The following IGF1R variants were observed in gnomAD, a reference collection of about 807,000 sequenced individuals.
The protein encoded by IGF1R is insulin-like growth factor 1 receptor.
Under a neutral mutation model 144.6 loss-of-function variants are expected in IGF1R, and 44 were observed. That is an observed-to-expected ratio of 0.30 (90% CI 0.24 to 0.39). The LOEUF (loss-of-function observed/expected upper bound fraction) is 0.39, where lower values mean the gene tolerates loss of function less well. Among genes scored for constraint, IGF1R ranks in the 10% least tolerant of loss-of-function variants. IGF1R has a pLI of 1.00. For missense variants in IGF1R, 1,355 were observed against 1,833.7 expected (o/e 0.74, Z 4.77); for synonymous variants, 795 against 722.8 (o/e 1.10, Z -1.60).
At chr15:98,760,900 T>C (rs972238976) in intron 2 of IGF1R, among the ~76,000 whole-genome samples, 2 of 152,296 alleles carry the variant, frequency 1.3e-5, no homozygotes, top group South Asian at 2.1e-4. Context: ...TCAGCTCTTC[T>C]TGGCCGTGTT....
chr15:98,863,460 C>A (rs1040209390), intron 2 of IGF1R, among the ~76,000 whole-genome samples: 3 of 152,146 alleles, frequency 2.0e-5, no homozygotes, highest in African/African-American at 7.2e-5. Context: ...TTTTAACATC[C>A]ATTACTGTGA....
At chr15:98,654,249 C>T (rs548787646) in intron 1 of IGF1R, among the ~76,000 whole-genome samples, 1 of 152,244 alleles carries the variant, frequency 6.6e-6, no homozygotes, top group East Asian at 1.9e-4. Context: ...GATGTTAACC[C>T]ATCTTGACTG....
Position 98,964,422 on chromosome 15 carries a change from ACTGT to A in IGF1R, c.*6983_*6986del, listed in dbSNP as rs1277709323. On this transcript the variant is annotated 3_prime_UTR_variant, in exon 21 of 21. Transcript: ENST00000650285. ...ATTCTTTACATAATGGAAAAAAGAA[ACTGT>A]CTATTTTGAATGGCTGAAGCTAAGG... 7.4e-5 allele frequency: 17 copies of A among 228,944 alleles called. No individual in the cohort carries two copies. Among genetic ancestry groups the A allele is most frequent in the South Asian group, 3.6e-4 (2 of 5,500 alleles). 14.2% of individuals were successfully genotyped at this position (228,944 alleles called of 1,614,324 possible). A position where few individuals can be genotyped will look rare whatever the true frequency, so the allele number is the denominator to read the frequency against.
chr15:98,794,268 A>T (rs929229142), intron 2 of IGF1R, among the ~76,000 whole-genome samples: 6 of 152,180 alleles, frequency 3.9e-5, no homozygotes, highest in African/African-American at 1.4e-4. Context: ...CCTCAAAGGT[A>T]CTTTTCAGGT....
intron 2 of IGF1R, among the ~76,000 whole-genome samples, chr15:98,747,957 G>A (rs901957217): frequency 2.0e-5 from 3 of 152,084 alleles, no homozygotes; most frequent in African/African-American, 7.2e-5. Context: ...AGAGGGGTGT[G>A]GATTCGTTAG....
intron 2 of IGF1R, among the ~76,000 whole-genome samples, chr15:98,818,152 C>T (rs557101294): frequency 6.6e-6 from 1 of 152,184 alleles, no homozygotes; most frequent in Non-Finnish European, 1.5e-5. Flanking sequence ...CTTAACAGCC[C>T]TACCTTCAAC....
intron 2 of IGF1R, among the ~76,000 whole-genome samples, chr15:98,760,129 C>A (rs1240071594): frequency 6.6e-6 from 1 of 151,440 alleles, no homozygotes; most frequent in Non-Finnish European, 1.5e-5. Flanking sequence ...CACCTGAGGT[C>A]AGGAATTTGA....
chr15:98,768,841 T>G (rs1319397566), intron 2 of IGF1R, among the ~76,000 whole-genome samples: 2 of 147,680 alleles, frequency 1.4e-5, no homozygotes, highest in African/African-American at 5.0e-5. Context: ...GGCAGGAGAA[T>G]GGCGTGAGCC....
In IGF1R at chr15:98,963,434, T is replaced by C. The variant is rs960258734; in HGVS notation, c.*5992T>C. ...GGTTGGGAAGGGGATCATTTTTTAC[T>C]GGTCATTTCCCTTTGGAGTGTAGCT... On this transcript the variant is annotated 3_prime_UTR_variant, in exon 21 of 21. Transcript: ENST00000650285. 4.3e-6 allele frequency: 1 copy of C among 233,216 alleles called. No individual in the cohort carries two copies. The highest frequency in any genetic ancestry group is 2.2e-5 in the African/African-American group (1 of 45,354). The allele number at this position is 233,216 out of a possible 1,614,324, so 14.4% of individuals were successfully genotyped here.
At chr15:98,854,883 A>C (rs1013757465) in intron 2 of IGF1R, among the ~76,000 whole-genome samples, 7 of 151,888 alleles carry the variant, frequency 4.6e-5, no homozygotes, top group African/African-American at 1.5e-4. Flanking sequence ...TTTGGGTTCT[A>C]CACGGTCTGA....
At chr15:98,666,740 G>C (rs2052750751) in intron 1 of IGF1R, among the ~76,000 whole-genome samples, 2 of 152,154 alleles carry the variant, frequency 1.3e-5, no homozygotes, top group Admixed American at 1.3e-4. Context: ...TAGAGGCTGG[G>C]GGGAGGGAGC....
chr15:98,788,030 A>G (rs1013825595), intron 2 of IGF1R, among the ~76,000 whole-genome samples: 12 of 137,112 alleles, frequency 8.8e-5, no homozygotes, highest in Non-Finnish European at 1.2e-4. Context: ...TATGGTGGGT[A>G]GGGATCTCTC....
At chr15:98,835,078 C>G (rs1422391161) in intron 2 of IGF1R, among the ~76,000 whole-genome samples, 2 of 71,854 alleles carry the variant, frequency 2.8e-5, no homozygotes, top group East Asian at 5.9e-4. Flanking sequence ...GAACACCCCC[C>G]CTACACACAC....
In IGF1R at chr15:98,916,076, C is replaced by T. The variant is rs2151681370; in HGVS notation, c.1941C>T (p.Arg647=). The change falls in exon 9 of 21, where the codon CGC becomes CGT. Residue 647 remains arginine (R), a synonymous_variant. Transcript: ENST00000650285. The stretch of plus-strand genomic sequence containing the variant: ...GCAACCTGAGTTACTACATTGTGCG[C>T]TGGCAGCGGCAGCCTCAGGACGGCT... ...PNGNLSYYIV[R]WQRQPQDGYL... 6.2e-7 allele frequency: 1 copy of T among 1,614,222 alleles called. No individual in the cohort carries two copies. The highest frequency in any genetic ancestry group is 8.5e-7 in the Non-Finnish European group (1 of 1,180,036).
At chr15:98,864,101 A>C (rs567141113) in intron 2 of IGF1R, among the ~76,000 whole-genome samples, 9 of 152,190 alleles carry the variant, frequency 5.9e-5, no homozygotes, top group African/African-American at 2.2e-4. Context: ...CTACAAAAAA[A>C]AAAATTAGCC....
chr15:98,862,635 T>G (rs2012220195), intron 2 of IGF1R, among the ~76,000 whole-genome samples: 1 of 152,212 alleles, frequency 6.6e-6, no homozygotes, highest in Non-Finnish European at 1.5e-5. Flanking sequence ...CTGGTTCAAG[T>G]GCAAGGAATG....
intron 1 of IGF1R, among the ~76,000 whole-genome samples, chr15:98,694,213 C>G (rs571222143): frequency 6.6e-6 from 1 of 152,036 alleles, no homozygotes; most frequent in African/African-American, 2.4e-5. Flanking sequence ...TAACAGAGTT[C>G]GTGCTGAAGC....
chr15:98,909,151 C>G (rs142090155), intron 6 of IGF1R, among the ~76,000 whole-genome samples: 60 of 152,234 alleles, frequency 3.9e-4, no homozygotes, highest in African/African-American at 9.1e-4. Context: ...AGTAGGTTCT[C>G]AAACTTTAAA....
At chr15:98,862,757 G>T (rs2012226502) in intron 2 of IGF1R, among the ~76,000 whole-genome samples, 1 of 152,160 alleles carries the variant, frequency 6.6e-6, no homozygotes, top group African/African-American at 2.4e-5. Context: ...TGATGATCAT[G>T]CTGTAAGTTG....
Sources: allele counts gnomAD v4.1 joint callset (sites outside exome capture counted in the v4.1 genomes callset), GRCh38; gene constraint gnomAD v4.1.1; transcripts MANE v1.5; gene names NCBI Gene and HGNC (gene_info 2026-07-23, HGNC 2026-07-21).